FBXL17: variants seen among roughly 807,000 people sequenced by gnomAD.
The protein encoded by FBXL17 is F-box/LRR-repeat protein 17.
Under a neutral mutation model 66.2 loss-of-function variants are expected in FBXL17, and 22 were observed. The observed-to-expected ratio is 0.33, with a 90% CI of 0.24 to 0.47. The LOEUF (loss-of-function observed/expected upper bound fraction) is 0.47. Ranked by LOEUF, FBXL17 falls within the 20% of genes least tolerant of loss-of-function variation. The pLI, the probability that FBXL17 is intolerant of heterozygous loss-of-function variation, is 1.00. For missense variants in FBXL17, 878 were observed against 948.2 expected (o/e 0.93, Z 0.97); for synonymous variants, 474 against 400.5 (o/e 1.18, Z -2.19).
chr5:107,889,561 G>A (rs373435502), intron 7 of FBXL17, among the ~76,000 whole-genome samples: 3 of 152,154 alleles, frequency 2.0e-5, no homozygotes, highest in Non-Finnish European at 4.4e-5. Context: ...AGAGCAACAC[G>A]TAGGTATTGT....
chr5:108,280,419 T>C (rs750156337), intron 4 of FBXL17, among the ~76,000 whole-genome samples: 4 of 152,096 alleles, frequency 2.6e-5, no homozygotes, highest in Non-Finnish European at 5.9e-5. Flanking sequence ...AGGGGAGTCA[T>C]TGCTATTAGA....
chr5:108,021,043 T>C (rs1754579161), intron 6 of FBXL17, 42 bp from the exon 7 acceptor site: 3 of 1,411,946 alleles, frequency 2.1e-6, no homozygotes, highest in Non-Finnish European at 3.0e-6. Context: ...CGTTTCAAGT[T>C]AAATTAGCAG....
At chr5:108,094,271 A>T (rs1749291431) in intron 6 of FBXL17, among the ~76,000 whole-genome samples, 1 of 152,178 alleles carries the variant, frequency 6.6e-6, no homozygotes, top group South Asian at 2.1e-4. Context: ...GCTCTTCTGC[A>T]CAAATTATGA....
At chr5:108,185,151 G>A (rs1213472578) in intron 6 of FBXL17, among the ~76,000 whole-genome samples, 6 of 151,998 alleles carry the variant, frequency 3.9e-5, no homozygotes, top group African/African-American at 1.5e-4. Context: ...TATTCATCAC[G>A]TGACTTCCAT....
intron 7 of FBXL17, among the ~76,000 whole-genome samples, chr5:107,987,336 A>G (rs1753055549): frequency 6.6e-6 from 1 of 151,876 alleles, no homozygotes; most frequent in South Asian, 2.1e-4. Flanking sequence ...TGTAAAAAGA[A>G]ATTTCAAATT....
intron 7 of FBXL17, among the ~76,000 whole-genome samples, chr5:107,958,389 C>A (rs1358519611): frequency 6.6e-6 from 1 of 152,080 alleles, no homozygotes; most frequent in Non-Finnish European, 1.5e-5. Context: ...TAAACATGTA[C>A]TATATGGACC....
At chr5:107,978,476 G>A (rs1182047029) in intron 7 of FBXL17, among the ~76,000 whole-genome samples, 17 of 152,262 alleles carry the variant, frequency 1.1e-4, no homozygotes, top group Non-Finnish European at 2.9e-5. Context: ...CATGAGATTT[G>A]TAACTTCCCC....
intron 8 of FBXL17, chr5:107,879,220 AT>A: frequency 3.0e-6 from 3 of 985,460 alleles, no homozygotes; most frequent in Non-Finnish European, 3.6e-6. Context: ...ATTTCTGAGA[AT>A]GGCTGCGGAC....
Position 108,381,734 on chromosome 5 carries a change from G to A in FBXL17, c.-43C>T. 1 of 1,389,380 alleles carries A rather than the reference G, an allele frequency of 7.2e-7. No homozygotes were observed. 86.1% of individuals were successfully genotyped at this position (1,389,380 alleles called of 1,614,324 possible). A position where few individuals can be genotyped will look rare whatever the true frequency, so the allele number is the denominator to read the frequency against. On this transcript the variant is annotated 5_prime_UTR_variant, in exon 1 of 9. Coordinates refer to ENST00000542267, the MANE Select transcript of FBXL17 (RefSeq NM_001163315.3). ...GGGGGACCGGGACGGGAGGGAGGGA[G>A]ACCCAGAGAGGCGGGCTCCCGGCAG...
chr5:108,157,657 T>A (rs898763741), intron 6 of FBXL17, among the ~76,000 whole-genome samples: 1 of 151,646 alleles, frequency 6.6e-6, no homozygotes, highest in African/African-American at 2.4e-5. Flanking sequence ...AATAAATTCA[T>A]ATAATGGTAC....
chr5:108,351,225 T>G (rs1747633487), intron 3 of FBXL17, among the ~76,000 whole-genome samples: 1 of 152,246 alleles, frequency 6.6e-6, no homozygotes, highest in Non-Finnish European at 1.5e-5. Flanking sequence ...AATACTTATT[T>G]AACAAAAATT....
chr5:108,314,435 GA>G (rs1759263865), intron 4 of FBXL17, among the ~76,000 whole-genome samples: 1 of 151,468 alleles, frequency 6.6e-6, no homozygotes, highest in Non-Finnish European at 1.5e-5. Context: ...AGTCAGTTTA[GA>G]AAACAAGTAC....
In FBXL17 at chr5:108,013,674, ATGCACACACAGAGTAAACATT is replaced by A. The variant is rs546758614; in HGVS notation, c.1822+7230_1822+7250del. On this transcript the variant is annotated intron_variant, in intron 7 of 8. Coordinates refer to ENST00000542267, the MANE Select transcript of FBXL17 (RefSeq NM_001163315.3). The stretch of plus-strand genomic sequence containing the variant: ...TTTTCCACAGCACCCTGCCAGTAGC[ATGCACACACAGAGTAAACATT>A]TGCTGAATGAAACAAAAATAAAAAA... Among the ~76,000 whole-genome samples, 536 of 152,302 alleles carry A rather than the reference ATGCACACACAGAGTAAACATT, an allele frequency of 3.5e-3. 2 individuals are homozygous for A. Among genetic ancestry groups the A allele is most frequent in the African/African-American group, 0.012 (516 of 41,572 alleles).
intron 4 of FBXL17, among the ~76,000 whole-genome samples, chr5:108,281,748 G>A (rs1025125441): frequency 6.6e-6 from 1 of 151,708 alleles, no homozygotes; most frequent in African/African-American, 2.4e-5. Context: ...CAAAAAGTTG[G>A]TTTTTCAAAA....
chr5:108,105,269 C>T (rs1749754641), intron 6 of FBXL17, among the ~76,000 whole-genome samples: 1 of 152,080 alleles, frequency 6.6e-6, no homozygotes, highest in Admixed American at 6.6e-5. Flanking sequence ...ACCTTGGGGG[C>T]TGGACAAGAA....
intron 6 of FBXL17, among the ~76,000 whole-genome samples, chr5:108,105,613 T>C (rs1298187110): frequency 3.3e-5 from 5 of 152,204 alleles, no homozygotes; most frequent in East Asian, 3.9e-4. Context: ...AAGAGCCATA[T>C]AGTCATCTCT....
At chr5:107,994,500 C>G (rs531618891) in intron 7 of FBXL17, among the ~76,000 whole-genome samples, 85 of 152,072 alleles carry the variant, frequency 5.6e-4, no homozygotes, top group African/African-American at 1.7e-3. Flanking sequence ...AGCATTAAAA[C>G]TGCATATTTT....
rs1561365202 is a variant in FBXL17 at position 108,009,264 on chromosome 5, TATATATA to T, written c.1822+11654_1822+11660del. On this transcript the variant is annotated intron_variant, in intron 7 of 8. Transcript: ENST00000542267. ...TGGTCGTGAGTTGTTCCCTGTTTTA[TATATATA>T]TATATATATATATATATATATATAT... 4.9e-3 allele frequency among the ~76,000 whole-genome samples: 54 copies of T among 11,116 alleles called. 3 individuals carry two copies. The highest frequency in any genetic ancestry group is 0.018 in the African/African-American group (51 of 2,864). The allele number at this position is 11,116 out of a possible 152,430, so 7.3% of individuals were successfully genotyped here.
At chr5:108,367,648 T>C (rs1748751677) in intron 2 of FBXL17, among the ~76,000 whole-genome samples, 183 bp downstream of exon 2, 1 of 152,128 alleles carries the variant, frequency 6.6e-6, no homozygotes, top group Admixed American at 6.6e-5. Flanking sequence ...ACTATCTTGT[T>C]TACTATGAGA....
Sources: allele counts gnomAD v4.1 joint callset (sites outside exome capture counted in the v4.1 genomes callset), GRCh38; gene constraint gnomAD v4.1.1; transcripts MANE v1.5; gene names NCBI Gene and HGNC (gene_info 2026-07-23, HGNC 2026-07-21).